The following PPFIBP1 variants were observed in gnomAD, a reference collection of about 807,000 sequenced individuals.
PPFIBP1 encodes the protein PPFIB scaffold protein 1.
A neutral mutation model predicts 137.8 loss-of-function variants in PPFIBP1; 112 were observed. The observed-to-expected ratio is 0.81, with a 90% CI of 0.70 to 0.95. The LOEUF (loss-of-function observed/expected upper bound fraction) is 0.95. Ranked by LOEUF, PPFIBP1 falls within the 40% of genes least tolerant of loss-of-function variation. The pLI, the probability that PPFIBP1 is intolerant of heterozygous loss-of-function variation, is 0.00. For missense variants in PPFIBP1, 1,083 were observed against 1,196.6 expected, an observed-to-expected ratio of 0.91 and a Z score of 1.40; for synonymous variants, 378 against 417.3, an observed-to-expected ratio of 0.91 and a Z score of 1.15.
chr12:27,648,300 A>C (rs2058668341), intron 6 of PPFIBP1, among the ~76,000 whole-genome samples: 1 of 152,216 alleles, frequency 6.6e-6, no homozygotes, highest in African/African-American at 2.4e-5. Context: ...GTAATGAGAT[A>C]CTATCTCACC....
chr12:27,587,608 G>A (rs1427317643), intron 2 of PPFIBP1, among the ~76,000 whole-genome samples: 1 of 108,736 alleles, frequency 9.2e-6, no homozygotes, highest in African/African-American at 3.5e-5. Context: ...CGGGGACAGA[G>A]CAAGACTCCA....
intron 1 of PPFIBP1, among the ~76,000 whole-genome samples, chr12:27,551,172 C>T (rs1402316685): frequency 2.6e-5 from 4 of 152,026 alleles, no homozygotes; most frequent in Admixed American, 1.3e-4. Context: ...CTTATAACCA[C>T]GACAGACCTG....
chr12:27,648,880 G>A (rs933757523), intron 6 of PPFIBP1, among the ~76,000 whole-genome samples: 1 of 152,170 alleles, frequency 6.6e-6, no homozygotes. Flanking sequence ...GAGAGGTGGA[G>A]GATGGCGAAG....
intron 11 of PPFIBP1, among the ~76,000 whole-genome samples, chr12:27,662,620 C>A (rs2059620909): frequency 6.6e-6 from 1 of 151,954 alleles, no homozygotes; most frequent in African/African-American, 2.4e-5. Flanking sequence ...CTGGTTTGGG[C>A]AATTGGGTGA....
At position 27,664,462 on chromosome 12, in the gene PPFIBP1, A is replaced by C. The variant is rs1480494541; in HGVS notation, c.991+16A>C. On this transcript the variant is annotated intron_variant, in intron 12 of 29. Coordinates refer to ENST00000228425, the MANE Select transcript of PPFIBP1 (RefSeq NM_003622.4). ...GGTAAAAAAGGTAGAGTGTAGCTCT[A>C]AAAGTTTTTCTACTTTGGTTGACTC... The C allele has an allele frequency of 4.5e-6, 7 of 1,565,180 alleles. No individual in the cohort carries two copies.
At chr12:27,544,575 C>T (rs306663) in intron 1 of PPFIBP1, among the ~76,000 whole-genome samples, 65,351 of 151,940 alleles carry the variant, frequency 0.43, 14,457 homozygotes, top group Middle Eastern at 0.5. Context: ...TCAAAAAGTG[C>T]GCAAAGGATG....
intron 2 of PPFIBP1, among the ~76,000 whole-genome samples, chr12:27,601,502 G>A (rs925946027): frequency 6.6e-6 from 1 of 152,170 alleles, no homozygotes; most frequent in Non-Finnish European, 1.5e-5. Context: ...TCATACCGCT[G>A]CCAAAGGCTA....
At chr12:27,543,967 A>G (rs577139115) in intron 1 of PPFIBP1, among the ~76,000 whole-genome samples, 30 of 147,018 alleles carry the variant, frequency 2.0e-4, no homozygotes, top group Non-Finnish European at 3.1e-4. Context: ...TGCAGCCTCA[A>G]CCTCCAGGCT....
intron 17 of PPFIBP1, 122 bp from the exon 18 acceptor site, chr12:27,676,306 A>T: frequency 1.5e-6 from 1 of 688,542 alleles, no homozygotes; most frequent in Non-Finnish European, 2.2e-6. Flanking sequence ...TCAATGTATT[A>T]GTTCAGTTAT....
At chr12:27,563,577 C>A (rs1313545381) in intron 1 of PPFIBP1, among the ~76,000 whole-genome samples, 1 of 151,954 alleles carries the variant, frequency 6.6e-6, no homozygotes, top group East Asian at 1.9e-4. Context: ...CCTGCCATTG[C>A]CGACTTTGAA....
At chr12:27,675,097 C>T (rs1047836925) in intron 17 of PPFIBP1, among the ~76,000 whole-genome samples, 4 of 151,902 alleles carry the variant, frequency 2.6e-5, no homozygotes, top group Non-Finnish European at 5.9e-5. Flanking sequence ...CCACCTCTGC[C>T]TTTCAAAGTA....
chr12:27,688,170 T>C (rs2061312752), intron 25 of PPFIBP1, 128 bp from the exon 26 acceptor site: 1 of 1,113,402 alleles, frequency 9.0e-7, no homozygotes, highest in Non-Finnish European at 1.3e-6. Context: ...ACAGAAATTC[T>C]TTAAAAGAGA....
rs540882407 is a variant in PPFIBP1, at chr12:27,618,109, T to G, written c.-35-15253T>G. ...AAAGAGTCAGAGTCTAACAAGTCCA[T>G]TAATATTCTATTCTTTCCTATGCAG... On this transcript the variant is annotated intron_variant, in intron 2 of 29. Coordinates refer to ENST00000228425, the MANE Select transcript of PPFIBP1 (RefSeq NM_003622.4). Among the ~76,000 whole-genome samples, 6 of 152,368 alleles carry G rather than the reference T, an allele frequency of 3.9e-5. No homozygotes were observed. The South Asian group carries it at 1.2e-3, about 32-fold the overall frequency.
chr12:27,592,370 A>T, intron 2 of PPFIBP1: 1 of 569,636 alleles, frequency 1.8e-6, no homozygotes, highest in Non-Finnish European at 3.0e-6. Context: ...TATTTTGTTT[A>T]TTGAGGAAAA....
At chr12:27,632,849 G>A (rs1376164752) in intron 2 of PPFIBP1, among the ~76,000 whole-genome samples, 1 of 152,178 alleles carries the variant, frequency 6.6e-6, no homozygotes, top group Admixed American at 6.5e-5. Context: ...GTATCAGTAG[G>A]GGTGTATGTG....
intron 1 of PPFIBP1, among the ~76,000 whole-genome samples, chr12:27,540,473 AG>A (rs1402533608): frequency 6.6e-6 from 1 of 151,952 alleles, no homozygotes. Flanking sequence ...AAAAAAAAAA[AG>A]TGATCTTCAG....
intron 12 of PPFIBP1, 65 bp downstream of exon 12, chr12:27,664,511 T>A: frequency 1.8e-6 from 2 of 1,114,614 alleles, no homozygotes; most frequent in Non-Finnish European, 2.7e-6. Context: ...ACTTACACAT[T>A]TGGCCTCAAT....
intron 2 of PPFIBP1, among the ~76,000 whole-genome samples, chr12:27,578,833 C>G (rs1448323494): frequency 3.9e-5 from 6 of 152,232 alleles, no homozygotes; most frequent in African/African-American, 9.6e-5. Context: ...CCTGACACTA[C>G]TTATTACCTT....
chr12:27,619,243 G>T (rs1021032410), intron 2 of PPFIBP1, among the ~76,000 whole-genome samples: 3 of 152,028 alleles, frequency 2.0e-5, no homozygotes, highest in Non-Finnish European at 4.4e-5. Flanking sequence ...TGCCTATAAC[G>T]TAAGAATATC....
Sources: gnomAD v4.1 joint callset for allele counts (sites outside exome capture counted in the v4.1 genomes callset) on GRCh38, gnomAD v4.1.1 for gene constraint, MANE v1.5 for transcripts, NCBI Gene and HGNC (gene_info 2026-07-23, HGNC 2026-07-21) for gene names.